Variants in CDKN2B-AS1 observed in about 807,000 individuals in gnomAD.
CDKN2B-AS1 encodes CDKN2B antisense RNA 1 (non-protein coding).
In CDKN2B-AS1 at chr9:22,005,112, ATGTG is replaced by A. The variant is rs3028393; in HGVS notation, n.29+9978_29+9981del. 1.7e-3 allele frequency: 381 copies of A among 224,978 alleles called. No individual in the cohort carries two copies. Among genetic ancestry groups the A allele is most frequent in the South Asian group, 4.4e-3 (23 of 5,258 alleles). 13.9% of individuals were successfully genotyped at this position (224,978 alleles called of 1,614,324 possible). On this transcript the variant is annotated intron_variant and non_coding_transcript_variant, in intron 1 of 4. Coordinates refer to ENST00000650946, the Ensembl canonical transcript of CDKN2B-AS1. This position sits in a 1 kb window ranked among gnomAD's most constrained non-coding sequence, Gnocchi z 4.9. ...CATAAGGGGATTTCCGCATCCTAGC[ATGTG>A]TGTGTGTGTGTGTGTGTGTGTGTGT...
At chr9:22,008,778 G>A (rs1158819457) in intron 1 of CDKN2B-AS1, 1 of 1,607,700 alleles carries the variant, frequency 6.2e-7, no homozygotes. Flanking sequence ...CTGCCGGCGA[G>A]GCCCTGGGGC....
intron 1 of CDKN2B-AS1, among the ~76,000 whole-genome samples, chr9:22,034,376 C>A (rs887304576): frequency 1.3e-5 from 2 of 151,976 alleles, no homozygotes; most frequent in African/African-American, 2.4e-5. Context: ...TCATTGTGTT[C>A]CCCCCTGACT....
chr9:22,017,564 GTTA>G (rs1821827073), intron 1 of CDKN2B-AS1, among the ~76,000 whole-genome samples: 1 of 152,036 alleles, frequency 6.6e-6, no homozygotes, highest in African/African-American at 2.4e-5. Flanking sequence ...CTTGAATAAA[GTTA>G]TTATATTTAG....
chr9:22,067,537 C>G (rs1390803958), intron 4 of CDKN2B-AS1, among the ~76,000 whole-genome samples: 2 of 151,884 alleles, frequency 1.3e-5, no homozygotes, highest in Non-Finnish European at 2.9e-5. Flanking sequence ...CACACACACA[C>G]ACGCACGCAC....
At chr9:22,038,404 C>A (rs761243061) in intron 1 of CDKN2B-AS1, among the ~76,000 whole-genome samples, 1 of 151,800 alleles carries the variant, frequency 6.6e-6, no homozygotes, top group South Asian at 2.1e-4. Flanking sequence ...ATTTTGCCAG[C>A]GCAGATTTGA....
intron 4 of CDKN2B-AS1, among the ~76,000 whole-genome samples, chr9:22,122,688 T>A (rs1826125856): frequency 6.6e-6 from 1 of 152,118 alleles, no homozygotes; most frequent in Non-Finnish European, 1.5e-5. Context: ...ATATCTTTGT[T>A]AAAAATCAGG....
intron 4 of CDKN2B-AS1, among the ~76,000 whole-genome samples, chr9:22,104,425 C>G (rs1825589283): frequency 6.6e-6 from 1 of 152,142 alleles, no homozygotes; most frequent in Non-Finnish European, 1.5e-5. Flanking sequence ...TGAGGATGCT[C>G]TCTACATGGT....
At chr9:22,030,452 C>G (rs1822421556) in intron 1 of CDKN2B-AS1, 1 of 152,132 alleles carries the variant, frequency 6.6e-6, no homozygotes, top group Admixed American at 6.5e-5. Context: ...ATAAATGACT[C>G]ATTCTCTTTG....
chr9:22,012,312 G>A (rs985551155), intron 1 of CDKN2B-AS1: 3 of 1,459,854 alleles, frequency 2.1e-6, no homozygotes, highest in Non-Finnish European at 2.9e-6. Context: ...CTGGAGGATG[G>A]CCGCACTCTC....
intron 4 of CDKN2B-AS1, among the ~76,000 whole-genome samples, chr9:22,089,875 G>A (rs983150556): frequency 5.3e-5 from 8 of 151,720 alleles, no homozygotes; most frequent in African/African-American, 1.9e-4. Context: ...TGTGCACAAC[G>A]TGCAGGTTTG....
intron 2 of CDKN2B-AS1, among the ~76,000 whole-genome samples, chr9:22,047,646 C>G (rs1230381411): frequency 2.0e-5 from 3 of 152,116 alleles, no homozygotes; most frequent in Non-Finnish European, 4.4e-5. Flanking sequence ...GAAGATGTTA[C>G]ACATATACAT....
intron 3 of CDKN2B-AS1, among the ~76,000 whole-genome samples, chr9:22,050,153 T>C (rs560208084): frequency 2.6e-5 from 4 of 152,330 alleles, no homozygotes; most frequent in East Asian, 3.9e-4. Context: ...TGCACACACA[T>C]AGACTTAAGT....
chr9:22,122,535 C>A (rs1826123476), intron 4 of CDKN2B-AS1, among the ~76,000 whole-genome samples: 1 of 152,022 alleles, frequency 6.6e-6, no homozygotes, highest in South Asian at 2.1e-4. Flanking sequence ...TCATGTCTTA[C>A]ATTTAGGTTT....
At position 21,999,491 on chromosome 9, in the gene CDKN2B-AS1, CATAT is replaced by C. The variant is rs932881864; in HGVS notation, n.29+4336_29+4339del. ...ATGGGAAGATGTATACACATGTACA[CATAT>C]ATATACATACATATGTATATATGTA... On this transcript the variant is annotated intron_variant and non_coding_transcript_variant, in intron 1 of 4. Transcript: ENST00000650946. The surrounding 1 kb of genome is among the most constrained non-coding windows in gnomAD (Gnocchi z 4.7). Among the ~76,000 whole-genome samples the C allele has an allele frequency of 6.6e-6, 1 of 151,722 alleles. No individual in the cohort carries two copies. The highest frequency in any genetic ancestry group is 1.5e-5 in the Non-Finnish European group (1 of 67,882).
At position 22,009,167 on chromosome 9, in the gene CDKN2B-AS1, C is replaced by T. The variant is rs374702031; in HGVS notation, n.29+14006C>T. Reference sequence around the variant, plus strand: ...CGTTAGCTCCGGGCTTTTCCTGGCGCTCAAGAACCAGCGGGCGCGCCTGGA... The same window carrying T: ...CGTTAGCTCCGGGCTTTTCCTGGCGTTCAAGAACCAGCGGGCGCGCCTGGA... On this transcript the variant is annotated intron_variant and non_coding_transcript_variant, in intron 1 of 4. Transcript: ENST00000650946. The T allele has an allele frequency of 4.6e-5, 31 of 670,072 alleles. No individual in the cohort carries two copies. The East Asian group carries it at 7.7e-4, about 17-fold the overall frequency. The allele number at this position is 670,072 out of a possible 1,614,324, so 41.5% of individuals were successfully genotyped here.
chr9:22,011,068 AG>A (rs1201060514), intron 1 of CDKN2B-AS1, among the ~76,000 whole-genome samples: 1 of 152,188 alleles, frequency 6.6e-6, no homozygotes, highest in Non-Finnish European at 1.5e-5. Flanking sequence ...AACTTTGGGT[AG>A]GGAAAACGTT....
chr9:22,031,612 G>A (rs1822474125), intron 1 of CDKN2B-AS1, among the ~76,000 whole-genome samples: 1 of 152,036 alleles, frequency 6.6e-6, no homozygotes, highest in South Asian at 2.1e-4. Flanking sequence ...GTGGTAATTT[G>A]AATATAGGTC....
At chr9:22,008,766 C>G (rs963558892) in intron 1 of CDKN2B-AS1, 1 of 1,609,648 alleles carries the variant, frequency 6.2e-7, no homozygotes, top group African/African-American at 1.3e-5. Context: ...TTCGCGCGCC[C>G]CCTGCCGGCG....
intron 1 of CDKN2B-AS1, chr9:22,009,183 C>A: frequency 1.6e-6 from 1 of 643,710 alleles, no homozygotes; most frequent in South Asian, 1.9e-5. Flanking sequence ...AACCAGCGGG[C>A]GCGCCTGGAT....
Sources: gnomAD v4.1 joint callset for allele counts (sites outside exome capture counted in the v4.1 genomes callset) on GRCh38, gnomAD v4.1.1 for gene constraint, Gnocchi (gnomAD v3.1) non-coding constraint, MANE v1.5 for transcripts, NCBI Gene and HGNC (gene_info 2026-07-23, HGNC 2026-07-21) for gene names.